AIG1: variants seen among roughly 807,000 people sequenced by gnomAD.
AIG1 encodes androgen-induced gene 1 protein.
In AIG1, 23 loss-of-function variants were observed where a neutral mutation model predicts 31.4. The ratio of observed to expected loss-of-function variants is 0.73; its 90% CI spans 0.53 to 1.04. AIG1 has a LOEUF of 1.04. Ranked by LOEUF, AIG1 falls within the 50% of genes least tolerant of loss-of-function variation. AIG1 has a pLI of 0.00. For missense variants in AIG1, 274 were observed against 295.0 expected (o/e 0.93, Z 0.52); for synonymous variants, 100 against 110.5 (o/e 0.90, Z 0.60).
At chr6:143,094,220 C>A (rs1779553527) in intron 1 of AIG1, 1 of 152,188 alleles carries the variant, frequency 6.6e-6, no homozygotes. Flanking sequence ...CCATAAGATT[C>A]TTTTCCGTTT....
Position 143,191,486 on chromosome 6 carries a change from G to A in AIG1, c.399+26303G>A, listed in dbSNP as rs1246419986. Among the ~76,000 whole-genome samples the A allele has an allele frequency of 2.6e-5, 4 of 152,142 alleles. No homozygotes were observed. In the East Asian group the frequency reaches 7.7e-4, roughly 29 times the overall value. On this transcript the variant is annotated intron_variant, in intron 3 of 5. Transcript: ENST00000357847. ...CTACAGAAAAAAAACTTACTTGTCAGTGGGATTTTAAAGTTTTATTTTATT... is the reference window on the plus strand; with the variant it reads ...CTACAGAAAAAAAACTTACTTGTCAATGGGATTTTAAAGTTTTATTTTATT...
chr6:143,269,433 G>A (rs1355427301), intron 3 of AIG1, among the ~76,000 whole-genome samples: 1 of 152,162 alleles, frequency 6.6e-6, no homozygotes, highest in Non-Finnish European at 1.5e-5. Context: ...GAATATCTGT[G>A]ATCATGTCCT....
rs935020434 is a variant in AIG1 at position 143,256,840 on chromosome 6, C to T, written c.400-27270C>T. ...AAATTAGCTGGAAGATACTTATTTT[C>T]TCTGACTCTTGTAAAAATGTCAGTA... On this transcript the variant is annotated intron_variant, in intron 3 of 5. Transcript: ENST00000357847. This position sits in a 1 kb window ranked among gnomAD's most constrained non-coding sequence, Gnocchi z 4.6. Among the ~76,000 whole-genome samples, 1 of 152,166 alleles carries T rather than the reference C, an allele frequency of 6.6e-6. No homozygotes were observed. Among genetic ancestry groups the T allele is most frequent in the Non-Finnish European group, 1.5e-5 (1 of 68,016 alleles).
rs188651627 is a variant in AIG1 at position 143,203,698 on chromosome 6, A to G, written c.399+38515A>G. 7.9e-5 allele frequency among the ~76,000 whole-genome samples: 12 copies of G among 152,360 alleles called. 1 individual carries two copies. The highest frequency in any genetic ancestry group is 2.6e-4 in the Admixed American group (4 of 15,304). ...GAGTTTCTCACAGTCTCAGATATCCAGAGATAAAATGAATATCCTTGGTTG... is the reference window on the plus strand; with the variant it reads ...GAGTTTCTCACAGTCTCAGATATCCGGAGATAAAATGAATATCCTTGGTTG... On this transcript the variant is annotated intron_variant, in intron 3 of 5. Coordinates refer to ENST00000357847, the MANE Select transcript of AIG1 (RefSeq NM_016108.4).
chr6:143,274,533 C>T (rs889605428), intron 3 of AIG1, among the ~76,000 whole-genome samples: 1 of 152,234 alleles, frequency 6.6e-6, no homozygotes, highest in Non-Finnish European at 1.5e-5. Context: ...AGATCCTATA[C>T]ATGCAACCCC....
chr6:143,151,596 C>T (rs1367495756), intron 2 of AIG1, among the ~76,000 whole-genome samples: 5 of 152,064 alleles, frequency 3.3e-5, no homozygotes, highest in Non-Finnish European at 5.9e-5. Context: ...TAGGAAGTCC[C>T]GAAATATTCT....
intron 1 of AIG1, among the ~76,000 whole-genome samples, chr6:143,123,004 A>G (rs1169488518): frequency 2.0e-5 from 3 of 152,152 alleles, no homozygotes; most frequent in Non-Finnish European, 2.9e-5. Context: ...CCTCAGACCC[A>G]TTAATTCCCA....
rs562233676 is a variant in AIG1 at position 143,291,674 on chromosome 6, G to T, written c.515+7449G>T. 4.6e-5 allele frequency among the ~76,000 whole-genome samples: 7 copies of T among 152,218 alleles called. No homozygotes were observed. The highest frequency in any genetic ancestry group is 1.0e-4 in the Non-Finnish European group (7 of 68,016). On this transcript the variant is annotated intron_variant, in intron 4 of 5. Coordinates refer to ENST00000357847, the MANE Select transcript of AIG1 (RefSeq NM_016108.4). The surrounding 1 kb of genome is among the most constrained non-coding windows in gnomAD (Gnocchi z 4.2). Reference sequence around the variant, plus strand: ...TCCACGTCCTCCTCTTCTACTTCAGGGTCTTAGAGTGCATGGAATAAATAA... The same window carrying T: ...TCCACGTCCTCCTCTTCTACTTCAGTGTCTTAGAGTGCATGGAATAAATAA...
chr6:143,081,704 A>G (rs1778271682), intron 1 of AIG1, among the ~76,000 whole-genome samples: 1 of 152,090 alleles, frequency 6.6e-6, no homozygotes. Flanking sequence ...GGTCTGGTGA[A>G]GGGTTTTAAG....
chr6:143,277,533 A>G (rs550996109), intron 3 of AIG1, among the ~76,000 whole-genome samples: 15 of 152,334 alleles, frequency 9.8e-5, no homozygotes, highest in African/African-American at 3.6e-4. Flanking sequence ...CCATCTTTTT[A>G]TTTATGATCC....
At chr6:143,210,658 A>T (rs1369180122) in intron 3 of AIG1, among the ~76,000 whole-genome samples, 1 of 152,222 alleles carries the variant, frequency 6.6e-6, no homozygotes, top group Non-Finnish European at 1.5e-5. Flanking sequence ...TCAACCACAG[A>T]ATACTCAGTT....
intron 2 of AIG1, among the ~76,000 whole-genome samples, chr6:143,138,508 T>A (rs1029491922): frequency 6.6e-6 from 1 of 152,220 alleles, no homozygotes; most frequent in Admixed American, 6.5e-5. Context: ...TATACATTTT[T>A]TCTTTTTTAA....
At chr6:143,342,498 GA>G (rs1777877670), downstream of AIG1, 1 of 794,686 alleles carries the variant, frequency 1.3e-6, no homozygotes, top group Non-Finnish European at 2.3e-6. Flanking sequence ...TCTGGTGGAA[GA>G]AACAGTCTTT....
chr6:143,216,237 A>G (rs1792018726), intron 3 of AIG1, among the ~76,000 whole-genome samples: 1 of 152,180 alleles, frequency 6.6e-6, no homozygotes, highest in South Asian at 2.1e-4. Context: ...AAGTTCTGAC[A>G]TTTCTGTTTC....
chr6:143,075,799 C>T (rs566716746), intron 1 of AIG1, among the ~76,000 whole-genome samples: 3 of 152,206 alleles, frequency 2.0e-5, no homozygotes, highest in Non-Finnish European at 4.4e-5. Context: ...TTTAATACAT[C>T]TTATTTTCAT....
At chr6:143,101,223 A>T (rs1157705530) in intron 1 of AIG1, among the ~76,000 whole-genome samples, 1 of 152,100 alleles carries the variant, frequency 6.6e-6, no homozygotes, top group Non-Finnish European at 1.5e-5. Flanking sequence ...GAGGTGGCGC[A>T]TATAGTAGCA....
At chr6:143,103,261 A>G (rs1291126675) in intron 1 of AIG1, among the ~76,000 whole-genome samples, 1 of 152,180 alleles carries the variant, frequency 6.6e-6, no homozygotes, top group Non-Finnish European at 1.5e-5. Flanking sequence ...AGAGGCATGT[A>G]CAGGATATTA....
At chr6:143,234,565 A>C (rs1793676613) in intron 3 of AIG1, among the ~76,000 whole-genome samples, 1 of 152,228 alleles carries the variant, frequency 6.6e-6, no homozygotes, top group Non-Finnish European at 1.5e-5. Flanking sequence ...TCTTTGGGAA[A>C]AAGAAATAGT....
At chr6:143,071,854 G>C (rs949582389) in intron 1 of AIG1, among the ~76,000 whole-genome samples, 3 of 151,680 alleles carry the variant, frequency 2.0e-5, no homozygotes, top group Non-Finnish European at 4.4e-5. Context: ...CATGATCATA[G>C]CTCACTGTCA....
Sources: gnomAD v4.1 joint callset for allele counts (sites outside exome capture counted in the v4.1 genomes callset) on GRCh38, gnomAD v4.1.1 for gene constraint, Gnocchi (gnomAD v3.1) non-coding constraint, MANE v1.5 for transcripts, NCBI Gene and HGNC (gene_info 2026-07-23, HGNC 2026-07-21) for gene names.